Variants in GNAS observed in about 807,000 individuals in gnomAD.
The protein encoded by GNAS is GNAS complex locus.
A neutral mutation model predicts 54.5 loss-of-function variants in GNAS; 8 were observed. That is an observed-to-expected ratio of 0.15 (90% CI 0.09 to 0.26). The LOEUF (loss-of-function observed/expected upper bound fraction) is 0.26, where lower values mean the gene tolerates loss of function less well. Among genes scored for constraint, GNAS ranks in the 10% least tolerant of loss-of-function variants. The pLI is 1.00. For synonymous variants in GNAS, 204 were observed against 191.4 expected (o/e 1.07, Z -0.54); for missense variants, 170 against 529.8 (o/e 0.32, Z 6.67).
chr20:58,841,416 A>G lies in GNAS; in HGVS notation c.43+530A>G. On this transcript the variant is annotated intron_variant, in intron 1 of 12. Coordinates refer to the GNAS transcript ENST00000306090. The surrounding 1 kb of genome is among the most constrained non-coding windows in gnomAD (Gnocchi z 5.0). ...ATGGGAATGGGCGAGAACTCTAGAG[A>G]CTGACCACCCGGGAGGGAAGTCACG... The G allele has an allele frequency of 1.1e-5, 11 of 994,692 alleles. No individual in the cohort carries two copies. Among genetic ancestry groups the G allele is most frequent in the Non-Finnish European group, 1.3e-5 (11 of 835,586 alleles). 61.6% of individuals were successfully genotyped at this position (994,692 alleles called of 1,614,324 possible). A position where few individuals can be genotyped will look rare whatever the true frequency, so the allele number is the denominator to read the frequency against.
rs750062831 is a variant in GNAS at position 58,903,605 on chromosome 20, G to A, written c.312+20G>A. ...ATTGAAGTACGTGCTGGCTCCTTGT[G>A]CTGTCTGTCTTGTAGCGCCCTCCCA... On this transcript the variant is annotated intron_variant, in intron 4 of 12. Coordinates refer to ENST00000371085, the MANE Select transcript of GNAS (RefSeq NM_000516.7). 15 of 1,614,076 alleles carry A rather than the reference G, an allele frequency of 9.3e-6. No individual in the cohort carries two copies. Among genetic ancestry groups the A allele is most frequent in the Non-Finnish European group, 1.3e-5 (15 of 1,179,930 alleles).
rs920014116 is a variant in GNAS at position 58,855,659 on chromosome 20, G to T, written c.43+14773G>T. On this transcript the variant is annotated intron_variant, in intron 1 of 12. Coordinates refer to the GNAS transcript ENST00000306090. ...AGGGGCTTCAGGTGAGCCAGGAACT[G>T]CCGGGGAGGGGCCCCGGGGCCCCGG... The T allele has an allele frequency of 2.1e-5, 15 of 702,302 alleles. No homozygotes were observed. In the African/African-American group the frequency reaches 2.5e-4, roughly 12 times the overall value. The allele number at this position is 702,302 out of a possible 1,614,324, so 43.5% of individuals were successfully genotyped here.
chr20:58,840,185 C>G (rs1211258431), upstream of GNAS: 3 of 1,611,358 alleles, frequency 1.9e-6, no homozygotes, highest in African/African-American at 4.0e-5. The surrounding 1 kb of genome is among the most constrained non-coding windows in gnomAD (Gnocchi z 6.0). Flanking sequence ...CATAGGCCGC[C>G]GGGCAGCCAC....
chr20:58,839,979 C>A, upstream of GNAS: 1 of 986,892 alleles, frequency 1.0e-6, no homozygotes, highest in Non-Finnish European at 1.5e-6. Context: ...GGAGGTGAGG[C>A]TGGGACCTCC....
At chr20:58,849,909 A>C (rs2086088865) in intron 1 of GNAS, among the ~76,000 whole-genome samples, 1 of 152,198 alleles carries the variant, frequency 6.6e-6, no homozygotes, top group Admixed American at 6.5e-5. Flanking sequence ...CAGAACAAAA[A>C]ACTTTCAACA....
chr20:58,854,976 A>C, intron 1 of GNAS: 1 of 1,612,068 alleles, frequency 6.2e-7, no homozygotes, highest in South Asian at 1.1e-5. Context: ...AGGGGTGGCC[A>C]GCAGCGACGA....
chr20:58,850,066 C>A (rs1037430160), intron 1 of GNAS, among the ~76,000 whole-genome samples: 1 of 152,148 alleles, frequency 6.6e-6, no homozygotes, highest in African/African-American at 2.4e-5. Flanking sequence ...GTTTACCCAG[C>A]CACGCCCCAT....
chr20:58,895,495 T>C (rs2089959786), intron 1 of GNAS, 117 bp from the exon 2 acceptor site: 3 of 729,052 alleles, frequency 4.1e-6, no homozygotes, highest in Non-Finnish European at 7.6e-6. Context: ...TCTGTGATTT[T>C]GTGTTTGGTT....
At position 58,903,657 on chromosome 20, in the gene GNAS, C is replaced by G. The variant is rs2090845194; in HGVS notation, c.313-15C>G. 1.9e-6 allele frequency: 3 copies of G among 1,614,028 alleles called. No homozygotes were observed. The highest frequency in any genetic ancestry group is 1.7e-6 in the Non-Finnish European group (2 of 1,180,012). ...CCAGTGCTGTTCCCTGACCGCTTTGCTAAATCATTTTCAGACCATTGTGGC... is the reference window on the plus strand; with the variant it reads ...CCAGTGCTGTTCCCTGACCGCTTTGGTAAATCATTTTCAGACCATTGTGGC... On this transcript the variant is annotated splice_polypyrimidine_tract_variant and intron_variant, in intron 4 of 12. Transcript: ENST00000371085.
intron 1 of GNAS, among the ~76,000 whole-genome samples, chr20:58,870,670 G>T (rs113597604): frequency 0.055 from 8,417 of 152,248 alleles, 263 homozygotes; most frequent in South Asian, 0.099. Flanking sequence ...GGGGAGGGGT[G>T]GTTGGGGGTT....
At position 58,911,002 on chromosome 20, in the gene GNAS, A is replaced by G; in HGVS notation, c.*173A>G. 1 of 727,526 alleles carries G rather than the reference A, an allele frequency of 1.4e-6. No individual in the cohort carries two copies. The highest frequency in any genetic ancestry group is 2.4e-6 in the Non-Finnish European group (1 of 411,482). The allele number at this position is 727,526 out of a possible 1,614,324, so 45.1% of individuals were successfully genotyped here. On this transcript the variant is annotated 3_prime_UTR_variant, in exon 13 of 13. Coordinates refer to ENST00000371085, the MANE Select transcript of GNAS (RefSeq NM_000516.7). ...TCCCTTCAGCTTGCTTAGATGTTCC[A>G]AATTTAGAAAGCTTAAGGCGGCCTA... is the stretch of plus-strand genomic sequence containing the variant.
In GNAS at chr20:58,854,756, C is replaced by T. The variant is rs770929037; in HGVS notation, c.43+13870C>T. 4.7e-5 allele frequency: 72 copies of T among 1,548,158 alleles called. No homozygotes were observed. In the African/African-American group the frequency reaches 8.0e-4, roughly 17 times the overall value. On this transcript the variant is annotated intron_variant, in intron 1 of 12. Transcript: ENST00000306090. ...CAGCTGCGCCAGACGCAGGGGCTCCCACTGCCCCAGCCGCTTCTGCCACCC... is the reference window on the plus strand; with the variant it reads ...CAGCTGCGCCAGACGCAGGGGCTCCTACTGCCCCAGCCGCTTCTGCCACCC...
intron 1 of GNAS, chr20:58,844,086 G>T (rs1489545965): frequency 1.3e-5 from 2 of 152,228 alleles, no homozygotes; most frequent in Middle Eastern, 3.4e-3. Context: ...TAAGAATGAG[G>T]TTTTTTGGTT....
rs745429718 is a variant in GNAS at position 58,910,380 on chromosome 20, C to T, written c.1017C>T (p.Tyr339=). 166 of 1,612,438 alleles carry T rather than the reference C, an allele frequency of 1.0e-4. No individual in the cohort carries two copies. Among genetic ancestry groups the T allele is most frequent in the Non-Finnish European group, 1.4e-4 (164 of 1,178,562 alleles). The part of the protein sequence containing the change: ...GEDPRVTRAK[Y]FIRDEFLRIS... ...ACCCACGCGTGACCCGGGCCAAGTA[C>T]TTCATTCGAGATGAGTTTCTGGTGA... Residue 339 remains tyrosine (Y), a synonymous_variant, in exon 12 of 13, where the codon TAC becomes TAT. Coordinates refer to ENST00000371085, the MANE Select transcript of GNAS (RefSeq NM_000516.7). This position sits in a 1 kb window ranked among gnomAD's most constrained non-coding sequence, Gnocchi z 5.8.
At chr20:58,875,227 T>G (rs1270783452) in intron 1 of GNAS, among the ~76,000 whole-genome samples, 1 of 152,142 alleles carries the variant, frequency 6.6e-6, no homozygotes, top group Non-Finnish European at 1.5e-5. Context: ...CTGAATTTTG[T>G]GTTCTGGGTG....
chr20:58,871,613 G>GA (rs757702769), intron 1 of GNAS, among the ~76,000 whole-genome samples: 3,019 of 32,236 alleles, frequency 0.094, 139 homozygotes, highest in African/African-American at 0.19. Flanking sequence ...ATACTCCGTC[G>GA]AAAAAAAAAA....
intron 1 of GNAS, chr20:58,844,025 T>C (rs1272333094): frequency 6.6e-6 from 1 of 152,268 alleles, no homozygotes; most frequent in Non-Finnish European, 1.5e-5. Context: ...CTTCATTTTC[T>C]GCAGCTGTGT....
At chr20:58,850,597 A>C (rs552712421) in intron 1 of GNAS, 53 of 398,902 alleles carry the variant, frequency 1.3e-4, no homozygotes, top group Admixed American at 9.2e-4. Context: ...TGCTCCTCGC[A>C]GTAAGCCCTC....
chr20:58,894,439 G>A (rs2089844897), intron 1 of GNAS, among the ~76,000 whole-genome samples: 1 of 152,198 alleles, frequency 6.6e-6, no homozygotes, highest in Non-Finnish European at 1.5e-5. Flanking sequence ...TTACGGGCTT[G>A]TGAAAAGGCA....
Sources: allele counts gnomAD v4.1 joint callset (sites outside exome capture counted in the v4.1 genomes callset), GRCh38; gene constraint gnomAD v4.1.1; non-coding constraint Gnocchi (gnomAD v3.1); transcripts MANE v1.5; gene names NCBI Gene and HGNC (gene_info 2026-07-23, HGNC 2026-07-21).